The following GRIK4 variants were observed in gnomAD, a reference collection of about 807,000 sequenced individuals.
GRIK4 encodes the protein glutamate receptor ionotropic, kainate 4.
Under a neutral mutation model 104.9 loss-of-function variants are expected in GRIK4, and 40 were observed. The ratio of observed to expected loss-of-function variants is 0.38; its 90% CI spans 0.30 to 0.50. GRIK4 has a LOEUF of 0.50. Ranked by LOEUF, GRIK4 falls within the 20% of genes least tolerant of loss-of-function variation. The probability of loss-of-function intolerance (pLI) is 0.93; values close to 1 mark genes in which losing one functional copy is unlikely to be tolerated. For missense variants in GRIK4, 1,047 were observed against 1,308.1 expected (o/e 0.80, Z 3.08); for synonymous variants, 485 against 524.9 (o/e 0.92, Z 1.04).
chr11:120,660,214 G>A (rs773369802), intron 2 of GRIK4, 55 bp from the exon 3 acceptor site: 319 of 763,110 alleles, frequency 4.2e-4, no homozygotes, highest in Non-Finnish European at 6.6e-4. Context: ...GGATGGTGGG[G>A]CAGCTGCCTA....
rs3133863 is a variant in GRIK4, at chr11:120,758,228, C to A, written c.83-44465C>A. 4.0e-3 allele frequency among the ~76,000 whole-genome samples: 614 copies of A among 152,280 alleles called. 1 individual carries two copies. The highest frequency in any genetic ancestry group is 6.6e-3 in the Non-Finnish European group (446 of 68,022). On this transcript the variant is annotated intron_variant, in intron 3 of 20. Coordinates refer to ENST00000527524, the MANE Select transcript of GRIK4 (RefSeq NM_014619.5). Reference sequence around the variant, plus strand: ...TGCTTCATTGTACCCATCCTGAGGACCTGGGGGGCCCCTGTGCCTAACATC... The same window carrying A: ...TGCTTCATTGTACCCATCCTGAGGAACTGGGGGGCCCCTGTGCCTAACATC...
rs537854427 is a variant in GRIK4 at position 120,592,064 on chromosome 11, G to A, written c.-158-61621G>A. 7.2e-5 allele frequency among the ~76,000 whole-genome samples: 11 copies of A among 152,310 alleles called. No individual in the cohort carries two copies. The East Asian group carries it at 2.1e-3, about 29-fold the overall frequency. On this transcript the variant is annotated intron_variant, in intron 1 of 20. Coordinates refer to ENST00000527524, the MANE Select transcript of GRIK4 (RefSeq NM_014619.5). ...GACCTCTCTTTAGGAAAATCCAATAGGTGGAGGTCATTTACATCACAAAAG... is the reference window on the plus strand; with the variant it reads ...GACCTCTCTTTAGGAAAATCCAATAAGTGGAGGTCATTTACATCACAAAAG...
chr11:120,710,372 T>C (rs1431834875), intron 3 of GRIK4, among the ~76,000 whole-genome samples: 1 of 152,156 alleles, frequency 6.6e-6, no homozygotes. Flanking sequence ...ACATGGCTCC[T>C]GCATGGCAGA....
At chr11:120,529,876 T>C (rs1591676635) in intron 1 of GRIK4, among the ~76,000 whole-genome samples, 1 of 152,350 alleles carries the variant, frequency 6.6e-6, no homozygotes, top group South Asian at 2.1e-4. Flanking sequence ...TGACCTGTTT[T>C]ATAGATGAGG....
At chr11:120,721,902 T>A (rs927797783) in intron 3 of GRIK4, among the ~76,000 whole-genome samples, 3 of 152,206 alleles carry the variant, frequency 2.0e-5, no homozygotes, top group Non-Finnish European at 4.4e-5. Context: ...AAGGGAATCA[T>A]CATTGATAAC....
intron 1 of GRIK4, among the ~76,000 whole-genome samples, chr11:120,584,854 G>A (rs541955487): frequency 3.9e-5 from 6 of 152,282 alleles, no homozygotes; most frequent in Non-Finnish European, 5.9e-5. Flanking sequence ...TGTTTATGTG[G>A]TGAATTACAT....
At chr11:120,675,373 G>T (rs10892602) in intron 3 of GRIK4, among the ~76,000 whole-genome samples, 1 of 151,986 alleles carries the variant, frequency 6.6e-6, no homozygotes, top group Admixed American at 6.5e-5. Flanking sequence ...GTCTGGCCTG[G>T]ATCCAAAATT....
chr11:120,543,361 G>A (rs1948055425), intron 1 of GRIK4, among the ~76,000 whole-genome samples: 1 of 152,150 alleles, frequency 6.6e-6, no homozygotes, highest in South Asian at 2.1e-4. Flanking sequence ...TCACCTGAGG[G>A]TCAGGAGTTC....
chr11:120,831,925 TGACACCCGGGACCCCAC>T lies in GRIK4; in HGVS notation c.586_602del (p.Asp196ProfsTer46), dbSNP rs1256629827. 6.2e-7 allele frequency: 1 copy of T among 1,613,978 alleles called. No homozygotes were observed. The highest frequency in any genetic ancestry group is 8.5e-7 in the Non-Finnish European group (1 of 1,179,920). On this transcript the variant is annotated frameshift_variant, in exon 7 of 21. Transcript: ENST00000527524. LOFTEE classifies it high-confidence loss of function. Reference sequence around the variant, plus strand: ...ACACGCTGTCCGTCCGCATGCTGGATGACACCCGGGACCCCACCCCGCTCCTCAAGGAGATCCGGGAC... The same window carrying T: ...ACACGCTGTCCGTCCGCATGCTGGATCCCGCTCCTCAAGGAGATCCGGGAC...
chr11:120,560,857 G>A (rs1346715410), intron 1 of GRIK4, among the ~76,000 whole-genome samples: 1 of 152,226 alleles, frequency 6.6e-6, no homozygotes, highest in African/African-American at 2.4e-5. Context: ...CAGTGGAAGA[G>A]CAGTGGGGAT....
intron 1 of GRIK4, among the ~76,000 whole-genome samples, chr11:120,632,608 T>C (rs1591755407): frequency 6.6e-6 from 1 of 152,150 alleles, no homozygotes; most frequent in East Asian, 1.9e-4. Flanking sequence ...CTTCCTGCTC[T>C]TGCAGCTCCA....
intron 13 of GRIK4, among the ~76,000 whole-genome samples, chr11:120,907,243 CTT>C (rs1190232989): frequency 6.6e-6 from 1 of 152,130 alleles, no homozygotes; most frequent in Non-Finnish European, 1.5e-5. Context: ...CCTTGTTCAC[CTT>C]GAGCTGATTT....
chr11:120,986,034 G>A lies in GRIK4; in HGVS notation c.2645G>A (p.Arg882Gln), dbSNP rs903181974. The A allele has an allele frequency of 1.6e-5, 24 of 1,523,384 alleles. No individual in the cohort carries two copies. In the Admixed American group the frequency reaches 4.0e-4, roughly 25 times the overall value. The allele number at this position is 1,523,384 out of a possible 1,614,324, so 94.4% of individuals were successfully genotyped here. Residue 882 changes from arginine to glutamine, a missense_variant, in exon 21 of 21, where the codon CGG (arginine) becomes CAG (glutamine). By Grantham distance (43) the Arg-to-Gln change is conservative. Around this residue, in one of 3 missense-constraint regions of GRIK4, gnomAD observed 160 missense variants for 140.9 expected, o/e 1.14. Transcript: ENST00000527524. ...CCCATCCCCGAGGAGCGCCGACCGC[G>A]GGGCACGGCGACGCTCAGCAACGGG... Reference protein sequence around the residue: ...RPPIPEERRPRGTATLSNGKL... With the variant: ...RPPIPEERRPQGTATLSNGKL...
chr11:120,515,960 G>A (rs1461865454), intron 1 of GRIK4, among the ~76,000 whole-genome samples: 1 of 152,202 alleles, frequency 6.6e-6, no homozygotes. Flanking sequence ...ATGAGGAAGG[G>A]AGTCCCAGGA....
intron 3 of GRIK4, among the ~76,000 whole-genome samples, chr11:120,682,273 TGGCGGGAG>T (rs1407580264): frequency 1.3e-5 from 2 of 152,074 alleles, no homozygotes; most frequent in Admixed American, 1.3e-4. Flanking sequence ...GGCAGACGGG[TGGCGGGAG>T]GGCTTCCCTG....
chr11:120,728,965 G>A lies in GRIK4; in HGVS notation c.82+68565G>A, dbSNP rs145169485. 8.4e-3 allele frequency among the ~76,000 whole-genome samples: 1,274 copies of A among 152,174 alleles called. 13 individuals are homozygous for A. The highest frequency in any genetic ancestry group is 0.028 in the African/African-American group (1,148 of 41,514). ...ATCCTTCTACTCTCTTTCTCCATGAGTTCAATTGTTTTGATTTTTAGATCC... is the reference window on the plus strand; with the variant it reads ...ATCCTTCTACTCTCTTTCTCCATGAATTCAATTGTTTTGATTTTTAGATCC... On this transcript the variant is annotated intron_variant, in intron 3 of 20. Coordinates refer to ENST00000527524, the MANE Select transcript of GRIK4 (RefSeq NM_014619.5).
intron 8 of GRIK4, among the ~76,000 whole-genome samples, chr11:120,847,578 C>G (rs556960221): frequency 3.3e-5 from 5 of 152,198 alleles, no homozygotes; most frequent in Non-Finnish European, 4.4e-5. Context: ...GTTAATGGCT[C>G]ATGCATCCCA....
At chr11:120,547,973 T>C (rs772378259) in intron 1 of GRIK4, among the ~76,000 whole-genome samples, 3 of 152,142 alleles carry the variant, frequency 2.0e-5, no homozygotes, top group Admixed American at 1.3e-4. Flanking sequence ...GGCCTGTGAC[T>C]CAGAGGGTGG....
chr11:120,962,923 GATTA>G (rs1944317431), intron 18 of GRIK4: 9 of 407,452 alleles, frequency 2.2e-5, no homozygotes, highest in South Asian at 2.1e-4. Flanking sequence ...GTTACTGATT[GATTA>G]ATTGACTAAT....
Sources: gnomAD v4.1 joint callset for allele counts (sites outside exome capture counted in the v4.1 genomes callset) on GRCh38, gnomAD v4.1.1 for gene constraint, gnomAD v4.1.1 regional missense constraint, MANE v1.5 for transcripts, NCBI Gene and HGNC (gene_info 2026-07-23, HGNC 2026-07-21) for gene names.